NTM: variants seen among roughly 807,000 people sequenced by gnomAD.
NTM encodes the protein IgLON family member 2.
NTM carries 13 observed loss-of-function variants against 42.1 expected under a neutral mutation model. The ratio of observed to expected loss-of-function variants is 0.31; its 90% CI spans 0.20 to 0.49. NTM has a LOEUF of 0.49. NTM is among the 20% of genes least tolerant of loss of function. The pLI is 0.99. For synonymous variants in NTM, 187 were observed against 179.2 expected (o/e 1.04, Z -0.35); for missense variants, 373 against 452.8 (o/e 0.82, Z 1.60).
chr11:132,085,607 G>A lies in NTM; in HGVS notation c.168-60675G>A, dbSNP rs140597718. Among the ~76,000 whole-genome samples the A allele has an allele frequency of 9.3e-3, 1,412 of 152,274 alleles. 11 individuals carry two copies. Among genetic ancestry groups the A allele is most frequent in the Non-Finnish European group, 0.014 (927 of 68,000 alleles). On this transcript the variant is annotated intron_variant, in intron 2 of 8. Coordinates refer to ENST00000683400, the MANE Select transcript of NTM (RefSeq NM_001352005.2). ...ATTAAAGTCACATGAACTAAAAGGC[G>A]TTAAAGCTTTTATTTTTCCTTCAAA... is the stretch of plus-strand genomic sequence containing the variant.
At chr11:131,816,847 C>T (rs2092972216) in intron 1 of NTM, among the ~76,000 whole-genome samples, 1 of 16,114 alleles carries the variant, frequency 6.2e-5, no homozygotes, top group Admixed American at 7.2e-4. Context: ...CTTAGCATAG[C>T]CTAAAACACT....
At chr11:131,795,278 G>C in intron 1 of NTM, 1 of 501,474 alleles carries the variant, frequency 2.0e-6, no homozygotes, top group Non-Finnish European at 2.6e-6. Context: ...CTTCCTTATA[G>C]GGTTGTTGTT....
intron 4 of NTM, among the ~76,000 whole-genome samples, chr11:132,285,700 G>C (rs1329583047): frequency 1.3e-5 from 2 of 152,152 alleles, no homozygotes; most frequent in Non-Finnish European, 2.9e-5. Flanking sequence ...ACACACAAGA[G>C]ATCATTTATT....
intron 1 of NTM, among the ~76,000 whole-genome samples, chr11:131,433,321 T>G (rs572473009): frequency 2.6e-5 from 4 of 152,282 alleles, no homozygotes; most frequent in South Asian, 2.1e-4. Flanking sequence ...TATACAACAT[T>G]CTGTTTTTCC....
chr11:132,104,049 A>T (rs1235793910), intron 2 of NTM, among the ~76,000 whole-genome samples: 1 of 152,228 alleles, frequency 6.6e-6, no homozygotes, highest in Admixed American at 6.5e-5. Context: ...TCTACAGAGT[A>T]TATCTGATGC....
At chr11:131,968,141 G>A (rs930684253) in intron 2 of NTM, among the ~76,000 whole-genome samples, 6 of 152,142 alleles carry the variant, frequency 3.9e-5, no homozygotes, top group Non-Finnish European at 1.5e-5. Flanking sequence ...CTCTCACAAT[G>A]ATCTTGTAAA....
In NTM at chr11:132,214,505, G is replaced by A. The variant is rs142986572; in HGVS notation, c.526+2358G>A. Reference sequence around the variant, plus strand: ...TGCCATTTTATGCCTATAACTTCCCGATAAGTTATTTTTGTTGTTGTTCTA... The same window carrying A: ...TGCCATTTTATGCCTATAACTTCCCAATAAGTTATTTTTGTTGTTGTTCTA... On this transcript the variant is annotated intron_variant, in intron 4 of 8. Coordinates refer to ENST00000683400, the MANE Select transcript of NTM (RefSeq NM_001352005.2). 1.2e-3 allele frequency among the ~76,000 whole-genome samples: 189 copies of A among 152,156 alleles called. 1 individual carries two copies. Among genetic ancestry groups the A allele is most frequent in the African/African-American group, 4.2e-3 (175 of 41,478 alleles).
At chr11:131,470,472 A>G (rs1030264482) in intron 1 of NTM, among the ~76,000 whole-genome samples, 2 of 152,186 alleles carry the variant, frequency 1.3e-5, no homozygotes, top group Middle Eastern at 3.2e-3. Flanking sequence ...TGAGAGAGTA[A>G]TTAATCTTGT....
intron 1 of NTM, among the ~76,000 whole-genome samples, chr11:131,553,350 A>T (rs1490401074): frequency 6.6e-6 from 1 of 152,216 alleles, no homozygotes; most frequent in Non-Finnish European, 1.5e-5. Flanking sequence ...GGATGAGAAC[A>T]CAGACCAACT....
At chr11:132,227,763 C>A (rs1357195976) in intron 4 of NTM, among the ~76,000 whole-genome samples, 2 of 152,160 alleles carry the variant, frequency 1.3e-5, no homozygotes, top group African/African-American at 4.8e-5. Flanking sequence ...TTGACTGTGG[C>A]TGACACTAGG....
chr11:132,108,932 C>CTT (rs2062795070), intron 2 of NTM, among the ~76,000 whole-genome samples: 1 of 152,140 alleles, frequency 6.6e-6, no homozygotes, highest in Non-Finnish European at 1.5e-5. Flanking sequence ...TCAACTCCCA[C>CTT]TTATGAGTGA....
At chr11:131,609,097 A>G (rs2061256591) in intron 1 of NTM, among the ~76,000 whole-genome samples, 1 of 152,370 alleles carries the variant, frequency 6.6e-6, no homozygotes, top group Non-Finnish European at 1.5e-5. Context: ...GACAGGAAAC[A>G]TCCACCACAG....
intron 2 of NTM, among the ~76,000 whole-genome samples, chr11:131,968,247 A>C (rs1389423102): frequency 6.6e-6 from 1 of 152,194 alleles, no homozygotes; most frequent in Admixed American, 6.5e-5. Context: ...GTCAGAGAGA[A>C]ACAGAACCAA....
In NTM at chr11:131,997,398, A is replaced by G. The variant is rs377206318; in HGVS notation, c.167+85750A>G. ...GTGCGGAACACTGGGCCAGGCTAAT[A>G]AGTTTAGAAGAAGATTTAAGACTCC... On this transcript the variant is annotated intron_variant, in intron 2 of 8. Transcript: ENST00000683400. Among the ~76,000 whole-genome samples the G allele has an allele frequency of 7.9e-5, 12 of 152,120 alleles. No individual in the cohort carries two copies. The East Asian group carries it at 9.7e-4, about 12-fold the overall frequency.
In NTM at chr11:131,826,603, A is replaced by G. The variant is rs1307744917; in HGVS notation, c.83-84961A>G. ...TCAGAAAAAGTATTCTAAATGGCGC[A>G]GTGGAAGGTGAAAAAAGAATGGAGG... is the stretch of plus-strand genomic sequence containing the variant. On this transcript the variant is annotated intron_variant, in intron 1 of 8. Coordinates refer to ENST00000683400, the MANE Select transcript of NTM (RefSeq NM_001352005.2). Among the ~76,000 whole-genome samples, 4 of 151,028 alleles carry G rather than the reference A, an allele frequency of 2.6e-5. No homozygotes were observed. The South Asian group carries it at 8.4e-4, about 32-fold the overall frequency.
At chr11:131,865,426 A>G (rs1365166018) in intron 1 of NTM, among the ~76,000 whole-genome samples, 1 of 152,230 alleles carries the variant, frequency 6.6e-6, no homozygotes, top group East Asian at 1.9e-4. Context: ...ATTGGTTACC[A>G]CCGGAGCTAT....
intron 2 of NTM, among the ~76,000 whole-genome samples, chr11:132,044,080 T>TA (rs2077591385): frequency 2.4e-5 from 1 of 42,382 alleles, no homozygotes; most frequent in African/African-American, 7.6e-5. Flanking sequence ...GTGTATGTGT[T>TA]TGTGTGTATG....
Position 132,090,520 on chromosome 11 carries a change from C to T in NTM, c.168-55762C>T, listed in dbSNP as rs138904536. Among the ~76,000 whole-genome samples, 92 of 152,198 alleles carry T rather than the reference C, an allele frequency of 6.0e-4. 1 individual carries two copies. The highest frequency in any genetic ancestry group is 2.1e-3 in the African/African-American group (87 of 41,528). On this transcript the variant is annotated intron_variant, in intron 2 of 8. Transcript: ENST00000683400. The stretch of plus-strand genomic sequence containing the variant: ...ATGGTTACCCTCTGAACTTTGTGAT[C>T]GTGCCCGCTGTCTCTAGCTCTTCAG...
intron 1 of NTM, among the ~76,000 whole-genome samples, chr11:131,703,266 A>C (rs531824220): frequency 1.3e-5 from 2 of 152,350 alleles, no homozygotes; most frequent in Admixed American, 1.3e-4. Context: ...GGCGATTGAT[A>C]TGTTAATTAC....
Sources: gnomAD v4.1 joint callset for allele counts (sites outside exome capture counted in the v4.1 genomes callset) on GRCh38, gnomAD v4.1.1 for gene constraint, MANE v1.5 for transcripts, NCBI Gene and HGNC (gene_info 2026-07-23, HGNC 2026-07-21) for gene names.